DST: variants seen among roughly 807,000 people sequenced by gnomAD.
DST encodes bullous pemphigoid antigen.
A neutral mutation model predicts 875.2 loss-of-function variants in DST; 253 were observed. The ratio of observed to expected loss-of-function variants is 0.29; its 90% CI spans 0.26 to 0.32. DST has a LOEUF of 0.32. Ranked by LOEUF, DST falls within the 10% of genes least tolerant of loss-of-function variation. The pLI, the probability that DST is intolerant of heterozygous loss-of-function variation, is 1.00. For missense variants in DST, 8,287 were observed against 9,111.6 expected (o/e 0.91, Z 3.68); for synonymous variants, 3,124 against 3,197.1 (o/e 0.98, Z 0.77).
At chr6:56,823,993 C>T (rs1345315781) in intron 4 of DST, among the ~76,000 whole-genome samples, 20 of 152,148 alleles carry the variant, frequency 1.3e-4, no homozygotes, top group Admixed American at 1.2e-3. Flanking sequence ...TATCCTCTGC[C>T]TCTGCCTCTG....
intron 3 of DST, among the ~76,000 whole-genome samples, chr6:56,866,724 T>C (rs1774309210): frequency 6.6e-6 from 1 of 152,210 alleles, no homozygotes; most frequent in Non-Finnish European, 1.5e-5. Flanking sequence ...GCTTGTTGTC[T>C]GTCTCCTCCA....
intron 5 of DST, among the ~76,000 whole-genome samples, chr6:56,712,175 T>G (rs940630350): frequency 4.0e-5 from 6 of 151,838 alleles, no homozygotes; most frequent in African/African-American, 1.5e-4. Flanking sequence ...GGCAGGAGAA[T>G]ATGGGCATTA....
chr6:56,600,255 T>C (rs1422341039), intron 44 of DST, 34 bp from the exon 45 acceptor site: 2 of 1,593,360 alleles, frequency 1.3e-6, no homozygotes, highest in East Asian at 2.2e-5. Context: ...ATCTTAAATG[T>C]ATGGTGGTCA....
chr6:56,661,596 T>A (rs897096571), intron 10 of DST, among the ~76,000 whole-genome samples: 4 of 151,904 alleles, frequency 2.6e-5, no homozygotes, highest in African/African-American at 9.7e-5. Context: ...AACAGTTTTT[T>A]TTTTTTTGAG....
intron 91 of DST, 49 bp downstream of exon 91, chr6:56,477,296 C>T (rs1333932720): frequency 1.9e-6 from 3 of 1,578,296 alleles, no homozygotes; most frequent in Non-Finnish European, 1.7e-6. Context: ...CCACACCCCT[C>T]AACTCTCAAA....
intron 49 of DST, among the ~76,000 whole-genome samples, chr6:56,591,341 T>C (rs771905816): frequency 6.6e-6 from 1 of 152,228 alleles, no homozygotes; most frequent in Non-Finnish European, 1.5e-5. Context: ...TGTATCTCTA[T>C]GAATCATGAA....
chr6:56,859,940 C>T (rs1244863071), intron 3 of DST, among the ~76,000 whole-genome samples: 3 of 152,124 alleles, frequency 2.0e-5, no homozygotes, highest in Non-Finnish European at 4.4e-5. Context: ...AGATGCAGTT[C>T]CCCAGCTCCC....
chr6:56,647,843 G>A (rs538035944), intron 13 of DST, among the ~76,000 whole-genome samples: 17 of 151,936 alleles, frequency 1.1e-4, no homozygotes, highest in African/African-American at 1.9e-4. Context: ...GTGCCACCAC[G>A]CCAGGCTGAT....
rs374091334 is a variant in DST at position 56,515,518 on chromosome 6, T to C, written c.18508A>G (p.Ile6170Val). The C allele has an allele frequency of 2.7e-5, 44 of 1,613,834 alleles. No individual in the cohort carries two copies. The highest frequency in any genetic ancestry group is 7.7e-5 in the South Asian group (7 of 91,086). ...LWPWLTETQS[I>V]ISQLPAPALE... Reference sequence around the variant, plus strand: ...GCTGGGGCGGGAAGCTGAGAGATGATTGATTGTGTTTCTGTCAGCCATGGC... The same window carrying C: ...GCTGGGGCGGGAAGCTGAGAGATGACTGATTGTGTTTCTGTCAGCCATGGC... The change falls in exon 72 of 104, where the codon ATC (isoleucine) becomes GTC (valine). Residue 6170 changes from isoleucine to valine, a missense_variant. Transcript: ENST00000680361.
intron 9 of DST, chr6:56,692,823 C>G (rs764801584): frequency 7.2e-5 from 93 of 1,289,732 alleles, no homozygotes; most frequent in Non-Finnish European, 9.1e-5. Context: ...GCAGAAGTTT[C>G]TGTTTAACGC....
Position 56,604,512 on chromosome 6 carries a change from C to T in DST, c.10116G>A (p.Glu3372=). 6.2e-6 allele frequency: 10 copies of T among 1,612,526 alleles called. No homozygotes were observed. The highest frequency in any genetic ancestry group is 8.5e-6 in the Non-Finnish European group (10 of 1,179,102). ...RLKEGHMNPQ[E]VEEPSACADT... Reference sequence around the variant, plus strand: ...CTGCACAGGCTGAAGGTTCTTCAACCTCTTGAGGGTTCATATGACCTTCTT... The same window carrying T: ...CTGCACAGGCTGAAGGTTCTTCAACTTCTTGAGGGTTCATATGACCTTCTT... Residue 3372 remains glutamate (E), a synonymous_variant, in exon 40 of 104, where the codon GAG becomes GAA. Coordinates refer to ENST00000680361, the MANE Select transcript of DST (RefSeq NM_001374736.1).
Position 56,508,762 on chromosome 6 carries a change from A to G in DST, c.19013-7T>C, listed in dbSNP as rs749521618. The stretch of plus-strand genomic sequence containing the variant: ...TCAAGCTTATCCTGAACAGCTATGA[A>G]GCAAAACAATATCCACAAGGCGACT... On this transcript the variant is annotated splice_region_variant and splice_polypyrimidine_tract_variant and intron_variant, in intron 74 of 103. Transcript: ENST00000680361. 12 of 1,603,060 alleles carry G rather than the reference A, an allele frequency of 7.5e-6. No homozygotes were observed. The highest frequency in any genetic ancestry group is 1.3e-5 in the African/African-American group (1 of 74,640).
intron 30 of DST, among the ~76,000 whole-genome samples, chr6:56,630,989 G>T (rs1433139761): frequency 6.6e-6 from 1 of 151,906 alleles, no homozygotes; most frequent in Non-Finnish European, 1.5e-5. Flanking sequence ...CACCATGTTG[G>T]CCAAGCTGGT....
At chr6:56,464,311 C>G (rs2094475826) in intron 100 of DST, 1 of 276,534 alleles carries the variant, frequency 3.6e-6, no homozygotes, top group African/African-American at 2.2e-5. Flanking sequence ...AATGAGGCAG[C>G]TAGTATTTTT....
intron 10 of DST, among the ~76,000 whole-genome samples, chr6:56,660,457 T>C (rs1273132296): frequency 2.0e-5 from 3 of 152,160 alleles, no homozygotes; most frequent in Non-Finnish European, 2.9e-5. Flanking sequence ...ACTTAACATC[T>C]GCTTTTCAAA....
chr6:56,505,596 A>T (rs2096283357), intron 77 of DST, among the ~76,000 whole-genome samples: 1 of 152,158 alleles, frequency 6.6e-6, no homozygotes, highest in African/African-American at 2.4e-5. Context: ...CCTAGCTGTG[A>T]CATTTATTTT....
At chr6:56,924,139 C>A (rs35202312) in intron 2 of DST, among the ~76,000 whole-genome samples, 24,478 of 152,086 alleles carry the variant, frequency 0.16, 2,163 homozygotes, top group Middle Eastern at 0.24. Context: ...AAAACCCTCC[C>A]AGAAACACCT....
chr6:56,521,688 T>C lies in DST; in HGVS notation c.18130-4068A>G, dbSNP rs182212073. On this transcript the variant is annotated intron_variant, in intron 69 of 103. Transcript: ENST00000680361. ...ACTTTTAAAATTAAATTATCAAATA[T>C]TGTTAAGCAACAAAGGGAGTAGCTA... is the stretch of plus-strand genomic sequence containing the variant. Among the ~76,000 whole-genome samples, 482 of 151,086 alleles carry C rather than the reference T, an allele frequency of 3.2e-3. 1 individual carries two copies. Among genetic ancestry groups the C allele is most frequent in the African/African-American group, 9.5e-3 (392 of 41,260 alleles).
chr6:56,788,709 T>TA (rs374872448), intron 4 of DST, among the ~76,000 whole-genome samples: 61 of 152,352 alleles, frequency 4.0e-4, no homozygotes, highest in African/African-American at 1.4e-3. Context: ...AATGTCAAGA[T>TA]ACATTTCTGC....
Sources: allele counts gnomAD v4.1 joint callset (sites outside exome capture counted in the v4.1 genomes callset), GRCh38; gene constraint gnomAD v4.1.1; transcripts MANE v1.5; gene names NCBI Gene and HGNC (gene_info 2026-07-23, HGNC 2026-07-21).